Variants in FBXL18 observed in about 807,000 individuals in gnomAD.
The protein encoded by FBXL18 is F-box/LRR-repeat protein 18.
In FBXL18, 36 loss-of-function variants were observed where a neutral mutation model predicts 46.0. That is an observed-to-expected ratio of 0.78 (90% CI 0.60 to 1.03). FBXL18 has a LOEUF of 1.03. Among genes scored for constraint, FBXL18 ranks in the 50% least tolerant of loss-of-function variants. The pLI is 0.00. For synonymous variants in FBXL18, 557 were observed against 465.3 expected (o/e 1.20, Z -2.54); for missense variants, 977 against 1,004.1 (o/e 0.97, Z 0.36).
chr7:5,485,931 C>T (rs1220800214), intron 4 of FBXL18, among the ~76,000 whole-genome samples: 1 of 151,870 alleles, frequency 6.6e-6, no homozygotes, highest in Non-Finnish European at 1.5e-5. Context: ...TGGTGGCACA[C>T]GCCTGTAATC....
chr7:5,467,804 G>C (rs569194536), intron 4 of FBXL18, among the ~76,000 whole-genome samples: 1 of 152,226 alleles, frequency 6.6e-6, no homozygotes, highest in African/African-American at 2.4e-5. Flanking sequence ...GCAGCCTAAG[G>C]AGATGGGAGC....
downstream of FBXL18, among the ~76,000 whole-genome samples, chr7:5,472,571 C>T (rs576943377): frequency 3.4e-4 from 52 of 151,706 alleles, no homozygotes; most frequent in South Asian, 8.3e-4. Context: ...GGAGAGGCCA[C>T]GTGACAAGGC....
At chr7:5,499,574 CA>C (rs1212300091) in intron 3 of FBXL18, among the ~76,000 whole-genome samples, 7 of 151,652 alleles carry the variant, frequency 4.6e-5, no homozygotes, top group South Asian at 2.1e-4. Flanking sequence ...ACTAAAAATA[CA>C]AAAAAATTAG....
chr7:5,458,698 CA>C lies in FBXL18; in HGVS notation c.2001-10856del, dbSNP rs879787732. 2.7e-3 allele frequency among the ~76,000 whole-genome samples: 372 copies of C among 138,964 alleles called. 1 individual carries two copies. The highest frequency in any genetic ancestry group is 5.1e-3 in the African/African-American group (193 of 37,796). 91.2% of individuals were successfully genotyped at this position (138,964 alleles called of 152,430 possible). A position where few individuals can be genotyped will look rare whatever the true frequency, so the allele number is the denominator to read the frequency against. ...GGCAACACAGCGAGACTCCGTCCCC[CA>C]AAAAAAAAAAAATTAGCTGGGCGTG... is the stretch of plus-strand genomic sequence containing the variant. On this transcript the variant is annotated intron_variant and NMD_transcript_variant, in intron 4 of 6. Coordinates refer to the FBXL18 transcript ENST00000415009.
At chr7:5,473,370 T>G (rs954989831), downstream of FBXL18, among the ~76,000 whole-genome samples, 1 of 151,968 alleles carries the variant, frequency 6.6e-6, no homozygotes, top group Non-Finnish European at 1.5e-5. Flanking sequence ...TGGTGCCTCC[T>G]CCCACCTCCT....
At chr7:5,497,244 G>A (rs1157434531) in intron 3 of FBXL18, among the ~76,000 whole-genome samples, 2 of 151,870 alleles carry the variant, frequency 1.3e-5, no homozygotes, top group African/African-American at 4.8e-5. Context: ...TGCATTTTGC[G>A]TCAAATTTCT....
intron 4 of FBXL18, among the ~76,000 whole-genome samples, chr7:5,483,231 AG>A (rs1783692116): frequency 6.6e-6 from 1 of 151,454 alleles, no homozygotes; most frequent in African/African-American, 2.4e-5. Flanking sequence ...ACCTGAGGTC[AG>A]GGGTTTGAGA....
At chr7:5,464,796 G>A (rs1783318828) in intron 4 of FBXL18, among the ~76,000 whole-genome samples, 1 of 151,426 alleles carries the variant, frequency 6.6e-6, no homozygotes. Context: ...GGGCGTGGTG[G>A]CTCACACCTG....
At chr7:5,457,736 G>T (rs2128230581) in intron 4 of FBXL18, among the ~76,000 whole-genome samples, 1 of 152,360 alleles carries the variant, frequency 6.6e-6, no homozygotes, top group South Asian at 2.1e-4. Context: ...CATCAGCCAG[G>T]AGTGGGTGTT....
At chr7:5,471,134 T>C (rs996451460), downstream of FBXL18, among the ~76,000 whole-genome samples, 3 of 152,190 alleles carry the variant, frequency 2.0e-5, no homozygotes, top group African/African-American at 7.2e-5. Flanking sequence ...AAGCTAGGAT[T>C]CCGTCACGCC....
intron 4 of FBXL18, among the ~76,000 whole-genome samples, chr7:5,461,722 C>A (rs1011706504): frequency 2.0e-5 from 3 of 152,110 alleles, no homozygotes; most frequent in African/African-American, 7.2e-5. Flanking sequence ...GGGCAGATCA[C>A]CTGAGGTCAG....
intron 4 of FBXL18, among the ~76,000 whole-genome samples, chr7:5,487,811 G>A (rs568030624): frequency 2.3e-3 from 349 of 152,136 alleles, no homozygotes; most frequent in Non-Finnish European, 3.9e-3. Context: ...CAGCAAGTGC[G>A]CCGTGGGTCC....
intron 4 of FBXL18, among the ~76,000 whole-genome samples, chr7:5,457,163 T>C (rs1465873336): frequency 2.0e-5 from 3 of 152,190 alleles, no homozygotes; most frequent in African/African-American, 7.2e-5. Context: ...GTCACTATAC[T>C]ACATTTTACA....
intron 4 of FBXL18, among the ~76,000 whole-genome samples, chr7:5,457,479 G>A (rs1368339088): frequency 3.3e-5 from 5 of 152,234 alleles, no homozygotes; most frequent in Non-Finnish European, 7.4e-5. Context: ...AAGCTGTTTC[G>A]AGCTAGGTTT....
chr7:5,484,902 G>A (rs887551142), intron 4 of FBXL18, among the ~76,000 whole-genome samples: 4 of 152,000 alleles, frequency 2.6e-5, no homozygotes, highest in Admixed American at 2.6e-4. Flanking sequence ...GCCTCCCAAA[G>A]TGCTGGGATT....
chr7:5,489,601 T>G, intron 4 of FBXL18: 1 of 205,068 alleles, frequency 4.9e-6, no homozygotes. Flanking sequence ...AAACCCCGTC[T>G]CTACTAAAAA....
Position 5,455,587 on chromosome 7 carries a change from T to C in FBXL18, c.2001-7744A>G, listed in dbSNP as rs1167563618. On this transcript the variant is annotated intron_variant and NMD_transcript_variant, in intron 4 of 6. Transcript: ENST00000415009. The surrounding 1 kb of genome is among the most constrained non-coding windows in gnomAD (Gnocchi z 4.6). ...CCTCGGTGGGAATGGGCTCCTATTA[T>C]GGGTTTGCATTCCCATGGCGCCAAG... 2.6e-5 allele frequency among the ~76,000 whole-genome samples: 4 copies of C among 152,096 alleles called. No homozygotes were observed. The highest frequency in any genetic ancestry group is 5.9e-5 in the Non-Finnish European group (4 of 68,014).
chr7:5,501,783 C>A lies in FBXL18; in HGVS notation c.486G>T (p.Leu162=). 6.4e-7 allele frequency: 1 copy of A among 1,562,446 alleles called. No individual in the cohort carries two copies. The highest frequency in any genetic ancestry group is 8.7e-7 in the Non-Finnish European group (1 of 1,153,196). ...DVSPGFDASQ[L]SSECKATLSR... ...TCAGGGTGGCCTTGCACTCGCTGCT[C>A]AGCTGGCTGGCGTCGAAGCCGGGGC... Residue 162 remains leucine, a synonymous_variant, in exon 3 of 5, where the codon CTG becomes CTT. Transcript: ENST00000382368.
intron 4 of FBXL18, among the ~76,000 whole-genome samples, chr7:5,470,624 G>A (rs1028628007): frequency 6.6e-6 from 1 of 152,104 alleles, no homozygotes; most frequent in African/African-American, 2.4e-5. Context: ...ACACACAAAA[G>A]GAAGGGGAGA....
Sources: allele counts gnomAD v4.1 joint callset (sites outside exome capture counted in the v4.1 genomes callset), GRCh38; gene constraint gnomAD v4.1.1; non-coding constraint Gnocchi (gnomAD v3.1); transcripts MANE v1.5; gene names NCBI Gene and HGNC (gene_info 2026-07-23, HGNC 2026-07-21).